Variants in ATRN observed in about 807,000 individuals in gnomAD.
The protein encoded by ATRN is attractin, also known as attractin-2.
Under a neutral mutation model 178.7 loss-of-function variants are expected in ATRN, and 54 were observed. The ratio of observed to expected loss-of-function variants is 0.30; its 90% confidence interval spans 0.24 to 0.38. ATRN has a LOEUF of 0.38. Ranked by LOEUF, ATRN falls within the 10% of genes least tolerant of loss-of-function variation. ATRN has a pLI of 1.00. For missense variants in ATRN, 1,443 were observed against 1,815.1 expected (o/e 0.79, Z 3.73); for synonymous variants, 636 against 663.0 (o/e 0.96, Z 0.63).
intron 1 of ATRN, among the ~76,000 whole-genome samples, chr20:3,489,033 T>C (rs969866629): frequency 6.6e-6 from 1 of 152,196 alleles, no homozygotes; most frequent in Non-Finnish European, 1.5e-5. Flanking sequence ...TGATCTTGGC[T>C]CACTGCAACC....
chr20:3,643,187 C>T (rs2087082187), intron 27 of ATRN, among the ~76,000 whole-genome samples: 1 of 152,194 alleles, frequency 6.6e-6, no homozygotes, highest in East Asian at 1.9e-4. Flanking sequence ...ATCCAGCTGA[C>T]AACTTGACTT....
intron 1 of ATRN, among the ~76,000 whole-genome samples, chr20:3,492,932 A>G (rs1268028878): frequency 6.8e-6 from 1 of 146,874 alleles, no homozygotes; most frequent in Non-Finnish European, 1.5e-5. Context: ...ATATGTGGGT[A>G]TATATTATTT....
At chr20:3,541,146 C>T (rs1482832318) in intron 3 of ATRN, among the ~76,000 whole-genome samples, 4 of 148,468 alleles carry the variant, frequency 2.7e-5, no homozygotes, top group East Asian at 2.0e-4. Context: ...GGCGCGATCT[C>T]GGCTCACTGC....
At chr20:3,561,038 G>C in intron 8 of ATRN, 133 bp downstream of exon 8, 1 of 1,224,210 alleles carries the variant, frequency 8.2e-7, no homozygotes, top group Non-Finnish European at 1.1e-6. Context: ...GTAAACACTG[G>C]GCCCAGGCGT....
intron 1 of ATRN, among the ~76,000 whole-genome samples, chr20:3,473,119 A>G (rs762195655): frequency 2.0e-5 from 3 of 152,174 alleles, no homozygotes; most frequent in South Asian, 2.1e-4. Context: ...GAGGGCTCCT[A>G]TGTTTTAGGT....
chr20:3,626,566 G>A (rs1384273550), intron 25 of ATRN, among the ~76,000 whole-genome samples: 3 of 151,682 alleles, frequency 2.0e-5, no homozygotes, highest in African/African-American at 7.3e-5. Context: ...TGTCAGTTTC[G>A]GCAAGTTGTA....
chr20:3,580,465 A>G (rs1447666848), intron 15 of ATRN, among the ~76,000 whole-genome samples: 1 of 152,218 alleles, frequency 6.6e-6, no homozygotes. Flanking sequence ...TTCCACAGCT[A>G]TACCTCTAGA....
At chr20:3,594,612 A>G (rs771170435) in intron 20 of ATRN, 40 bp downstream of exon 20, 1 of 1,548,934 alleles carries the variant, frequency 6.5e-7, no homozygotes, top group South Asian at 1.2e-5. Flanking sequence ...GAGGACCAAG[A>G]GGCTGTGCAG....
intron 2 of ATRN, among the ~76,000 whole-genome samples, chr20:3,537,176 G>A (rs1174953937): frequency 6.6e-6 from 1 of 152,130 alleles, no homozygotes; most frequent in African/African-American, 2.4e-5. Flanking sequence ...TCTAAGTATG[G>A]CAGTTAACAA....
intron 24 of ATRN, among the ~76,000 whole-genome samples, chr20:3,623,891 A>G (rs1431005678): frequency 6.6e-6 from 1 of 152,244 alleles, no homozygotes; most frequent in African/African-American, 2.4e-5. Context: ...TATACACAGA[A>G]TAATGCCTTT....
At chr20:3,541,928 G>GT (rs1381415608) in intron 3 of ATRN, among the ~76,000 whole-genome samples, 1 of 152,158 alleles carries the variant, frequency 6.6e-6, no homozygotes, top group Non-Finnish European at 1.5e-5. Context: ...GATGAGGGAG[G>GT]TAACAGAGAG....
chr20:3,482,798 A>G (rs988215698), intron 1 of ATRN, among the ~76,000 whole-genome samples: 1 of 152,246 alleles, frequency 6.6e-6, no homozygotes, highest in Non-Finnish European at 1.5e-5. Flanking sequence ...ACCAATACTG[A>G]CAAAATGTAT....
chr20:3,482,246 A>C (rs1007272124), intron 1 of ATRN, among the ~76,000 whole-genome samples: 23 of 151,966 alleles, frequency 1.5e-4, no homozygotes, highest in Admixed American at 1.5e-3. Flanking sequence ...TACTTTAATT[A>C]TGTAAGGAAA....
At chr20:3,614,283 C>G (rs924824812) in intron 24 of ATRN, among the ~76,000 whole-genome samples, 3 of 152,106 alleles carry the variant, frequency 2.0e-5, no homozygotes, top group African/African-American at 7.2e-5. Context: ...TCAGCTATGT[C>G]CATAGTTTGG....
chr20:3,599,014 A>T (rs2086569682), intron 22 of ATRN, among the ~76,000 whole-genome samples: 1 of 152,252 alleles, frequency 6.6e-6, no homozygotes, highest in Non-Finnish European at 1.5e-5. Flanking sequence ...TTACTATACA[A>T]GTAAATGAAA....
chr20:3,607,610 G>C (rs946594652), intron 24 of ATRN, among the ~76,000 whole-genome samples: 3 of 151,978 alleles, frequency 2.0e-5, no homozygotes, highest in African/African-American at 7.3e-5. Context: ...CATTTTATTT[G>C]TCCATTCATT....
rs376936032 is a variant in ATRN at position 3,572,853 on chromosome 20, G to T, written c.1994G>T (p.Arg665Leu). ...TGTTTAGCAGCAGGACCTGGTATTCGGTGTGTGTGGAACACAGGGTCGTCT... is the reference window on the plus strand; with the variant it reads ...TGTTTAGCAGCAGGACCTGGTATTCTGTGTGTGTGGAACACAGGGTCGTCT... ...AACLAAGPGIRCVWNTGSSQC... is the reference protein window; with the variant it reads ...AACLAAGPGILCVWNTGSSQC... Residue 665 changes from arginine to leucine, a missense_variant, in exon 12 of 29, where the codon CGG becomes CTG. Around this residue, in one of 4 missense-constraint regions of ATRN, gnomAD observed 862 missense variants for 972.1 expected, o/e 0.89. Coordinates refer to ENST00000262919, the MANE Select transcript of ATRN (RefSeq NM_139321.3). 1.9e-6 allele frequency: 3 copies of T among 1,613,836 alleles called. No individual in the cohort carries two copies. Among genetic ancestry groups the T allele is most frequent in the Non-Finnish European group, 1.7e-6 (2 of 1,179,962 alleles).
At chr20:3,533,234 C>G (rs935753753) in intron 1 of ATRN, among the ~76,000 whole-genome samples, 1 of 152,212 alleles carries the variant, frequency 6.6e-6, no homozygotes, top group African/African-American at 2.4e-5. Flanking sequence ...ACACACTTTC[C>G]TAAGAATAAG....
Position 3,596,645 on chromosome 20 carries a change from C to T in ATRN, c.3469+216C>T, listed in dbSNP as rs77959459. Among the ~76,000 whole-genome samples, 610 of 152,214 alleles carry T rather than the reference C, an allele frequency of 4.0e-3. 1 individual carries two copies. The highest frequency in any genetic ancestry group is 6.6e-3 in the Non-Finnish European group (450 of 68,000). On this transcript the variant is annotated intron_variant, in intron 21 of 28. Transcript: ENST00000262919. Reference sequence around the variant, plus strand: ...TGTTTGGGGTTAACGTTAATGTGTCCATAGCAGATAGCAGGAGAGAGTAGA... The same window carrying T: ...TGTTTGGGGTTAACGTTAATGTGTCTATAGCAGATAGCAGGAGAGAGTAGA...
Sources: allele counts gnomAD v4.1 joint callset (sites outside exome capture counted in the v4.1 genomes callset), GRCh38; gene constraint gnomAD v4.1.1; regional missense constraint gnomAD v4.1.1; transcripts MANE v1.5; gene names NCBI Gene and HGNC (gene_info 2026-07-23, HGNC 2026-07-21).